Variants in NELL1 observed in about 807,000 individuals in gnomAD.
NELL1 encodes the protein protein kinase C-binding protein NELL1.
In NELL1, 76 loss-of-function variants were observed where a neutral mutation model predicts 107.4. The ratio of observed to expected loss-of-function variants is 0.71; its 90% CI spans 0.59 to 0.86. The LOEUF is 0.86. Ranked by LOEUF, NELL1 falls within the 40% of genes least tolerant of loss-of-function variation. The pLI is 0.00. For missense variants in NELL1, 1,024 were observed against 1,005.5 expected (o/e 1.02, Z -0.25); for synonymous variants, 353 against 341.2 (o/e 1.03, Z -0.38).
At chr11:20,696,832 G>C (rs1590212749) in intron 2 of NELL1, among the ~76,000 whole-genome samples, 2 of 152,126 alleles carry the variant, frequency 1.3e-5, no homozygotes, top group African/African-American at 2.4e-5. Flanking sequence ...GTCTAGTACT[G>C]TCACGTGGTT....
At chr11:21,336,071 A>G (rs1850387518) in intron 14 of NELL1, among the ~76,000 whole-genome samples, 1 of 152,162 alleles carries the variant, frequency 6.6e-6, no homozygotes, top group Admixed American at 6.5e-5. Flanking sequence ...TTATTTATAT[A>G]CAACCTTAGT....
chr11:20,721,054 A>G (rs1414175153), intron 2 of NELL1, among the ~76,000 whole-genome samples: 1 of 151,936 alleles, frequency 6.6e-6, no homozygotes, highest in Non-Finnish European at 1.5e-5. Context: ...ATTTAGGATG[A>G]CAGCTTTAGC....
intron 15 of NELL1, among the ~76,000 whole-genome samples, chr11:21,420,099 A>G (rs550266470): frequency 1.3e-3 from 193 of 152,100 alleles, no homozygotes; most frequent in African/African-American, 4.6e-3. Context: ...AACATATTGC[A>G]CACTTGGTCC....
intron 2 of NELL1, among the ~76,000 whole-genome samples, chr11:20,781,226 G>T (rs1203617572): frequency 6.6e-6 from 1 of 152,102 alleles, no homozygotes; most frequent in Non-Finnish European, 1.5e-5. Context: ...GTGGAGAAAA[G>T]GGAAAAATCA....
intron 13 of NELL1, among the ~76,000 whole-genome samples, chr11:21,214,717 T>C (rs1857576381): frequency 7.6e-6 from 1 of 132,142 alleles, no homozygotes; most frequent in African/African-American, 2.9e-5. Flanking sequence ...AAAATGTATG[T>C]TCACAAAATA....
chr11:20,806,571 C>A (rs1327363759), intron 3 of NELL1, among the ~76,000 whole-genome samples: 1 of 152,094 alleles, frequency 6.6e-6, no homozygotes, highest in Admixed American at 6.5e-5. Flanking sequence ...TAAATATTGA[C>A]AACTTCCTCT....
At chr11:20,862,167 T>C (rs1234951544) in intron 4 of NELL1, among the ~76,000 whole-genome samples, 2 of 152,212 alleles carry the variant, frequency 1.3e-5, no homozygotes, top group Non-Finnish European at 2.9e-5. Flanking sequence ...GTGTTTAATA[T>C]GTGCCATCAT....
intron 15 of NELL1, among the ~76,000 whole-genome samples, chr11:21,473,436 C>CA (rs1326257792): frequency 1.3e-5 from 2 of 152,048 alleles, no homozygotes. Flanking sequence ...TGTCCACACA[C>CA]AAAAATGTCA....
intron 14 of NELL1, among the ~76,000 whole-genome samples, chr11:21,306,083 G>A (rs999290772): frequency 6.6e-6 from 1 of 151,866 alleles, no homozygotes; most frequent in Non-Finnish European, 1.5e-5. Flanking sequence ...ATATTTATTA[G>A]CCAGTTGTTT....
At chr11:20,771,106 T>G (rs2564782) in intron 2 of NELL1, among the ~76,000 whole-genome samples, 13,262 of 152,100 alleles carry the variant, frequency 0.087, 2,001 homozygotes, top group African/African-American at 0.3. Flanking sequence ...AGTGCAGGCT[T>G]CTGCAATGCA....
chr11:20,781,322 G>A (rs190869655), intron 2 of NELL1, among the ~76,000 whole-genome samples: 7 of 152,244 alleles, frequency 4.6e-5, no homozygotes, highest in East Asian at 3.9e-4. Context: ...TGAGAGTGGC[G>A]GGAAGAGAAC....
At chr11:21,165,914 C>T (rs1856470624) in intron 13 of NELL1, among the ~76,000 whole-genome samples, 3 of 151,260 alleles carry the variant, frequency 2.0e-5, no homozygotes, top group South Asian at 2.1e-4. Context: ...ACTACAACAC[C>T]CGGCTGATTT....
intron 15 of NELL1, among the ~76,000 whole-genome samples, chr11:21,440,719 A>T (rs1853261738): frequency 6.6e-6 from 1 of 152,148 alleles, no homozygotes; most frequent in South Asian, 2.1e-4. Context: ...TGTGCTAAGA[A>T]GGAGGCAGTG....
chr11:21,357,866 C>T (rs1036834976), intron 14 of NELL1, among the ~76,000 whole-genome samples: 3 of 152,116 alleles, frequency 2.0e-5, no homozygotes, highest in Non-Finnish European at 4.4e-5. Flanking sequence ...TCCACATGGC[C>T]TGCCAGTTAT....
Position 21,092,662 on chromosome 11 carries a change from G to T in NELL1, c.1301-20927G>T, listed in dbSNP as rs1049292911. ...TTGCTGTCAAAAAAATCCAGTGAGG[G>T]TATTTCTACAAAATAGCCATTTGTA... On this transcript the variant is annotated intron_variant, in intron 12 of 19. Coordinates refer to ENST00000357134, the MANE Select transcript of NELL1 (RefSeq NM_006157.5). Among the ~76,000 whole-genome samples the T allele has an allele frequency of 2.0e-5, 3 of 152,228 alleles. 1 individual carries two copies. The highest frequency in any genetic ancestry group is 6.8e-3 in the Middle Eastern group (2 of 294).
intron 13 of NELL1, among the ~76,000 whole-genome samples, chr11:21,135,760 C>T (rs987396962): frequency 3.9e-5 from 6 of 152,046 alleles, no homozygotes; most frequent in Middle Eastern, 3.4e-3. Context: ...AGTAGTTGCT[C>T]AATAAATATT....
chr11:20,937,722 G>A lies in NELL1; in HGVS notation c.998-64G>A, dbSNP rs1850755968. 4.4e-6 allele frequency: 5 copies of A among 1,135,226 alleles called. No individual in the cohort carries two copies. In the East Asian group the frequency reaches 9.4e-5, roughly 21 times the overall value. The allele number at this position is 1,135,226 out of a possible 1,614,324, so 70.3% of individuals were successfully genotyped here. A position where few individuals can be genotyped will look rare whatever the true frequency, so the allele number is the denominator to read the frequency against. ...CTGTGGAATCTATTGGAGTTAGAAG[G>A]TACCTCTGAGGTCATTTTGTGGCAC... On this transcript the variant is annotated intron_variant, in intron 9 of 19. Coordinates refer to ENST00000357134, the MANE Select transcript of NELL1 (RefSeq NM_006157.5).
intron 2 of NELL1, among the ~76,000 whole-genome samples, chr11:20,766,032 A>G (rs1856522121): frequency 6.6e-6 from 1 of 152,200 alleles, no homozygotes; most frequent in Non-Finnish European, 1.5e-5. Flanking sequence ...GGTTTTGAAC[A>G]AGGCAGTGGC....
At chr11:21,201,891 G>C (rs1403698202) in intron 13 of NELL1, among the ~76,000 whole-genome samples, 7 of 152,142 alleles carry the variant, frequency 4.6e-5, no homozygotes, top group South Asian at 2.1e-4. Context: ...TAATCACGTG[G>C]TTTTTGTCAT....
Sources: gnomAD v4.1 joint callset for allele counts (sites outside exome capture counted in the v4.1 genomes callset) on GRCh38, gnomAD v4.1.1 for gene constraint, MANE v1.5 for transcripts, NCBI Gene and HGNC (gene_info 2026-07-23, HGNC 2026-07-21) for gene names.